GPRC5C: variants seen among roughly 807,000 people sequenced by gnomAD.
GPRC5C encodes G protein-coupled receptor class C group 5 member C, also known as G protein-coupled receptor family C group 5 member C.
GPRC5C carries 22 observed loss-of-function variants against 31.4 expected under a neutral mutation model. The observed-to-expected ratio is 0.70, with a 90% confidence interval of 0.50 to 1.00. The LOEUF is 1.00. Among genes scored for constraint, GPRC5C ranks in the 50% least tolerant of loss-of-function variants. The pLI is 0.00. For synonymous variants in GPRC5C, 249 were observed against 257.5 expected, an observed-to-expected ratio of 0.97 and a Z score of 0.32; for missense variants, 557 against 597.2, an observed-to-expected ratio of 0.93 and a Z score of 0.70.
At chr17:74,448,215 C>A (rs1212994487), downstream of GPRC5C, among the ~76,000 whole-genome samples, 1 of 152,084 alleles carries the variant, frequency 6.6e-6, no homozygotes, top group Admixed American at 6.5e-5. Flanking sequence ...GTGGGAGGAT[C>A]TCTTAAGCCC....
chr17:74,448,944 AG>A, downstream of GPRC5C: 1 of 1,258,754 alleles, frequency 7.9e-7, no homozygotes, highest in Non-Finnish European at 1.0e-6. Flanking sequence ...TGGCACTTCC[AG>A]CCATGTGGTT....
At position 74,439,896 on chromosome 17, in the gene GPRC5C, C is replaced by T. The variant is rs147600514; in HGVS notation, c.120C>T (p.Tyr40=). ...GCSQGLNPLY[Y]NLCDRSGAWG... The stretch of plus-strand genomic sequence containing the variant: ...GCCAAGGCCTCAACCCCCTGTACTA[C>T]AACCTGTGTGACCGCTCTGGGGCGT... The change falls in exon 2 of 4, where the codon TAC becomes TAT. Residue 40 remains tyrosine (Y), a synonymous_variant. Coordinates refer to ENST00000392627, the MANE Select transcript of GPRC5C (RefSeq NM_022036.4). The T allele has an allele frequency of 6.9e-5, 111 of 1,613,002 alleles. No individual in the cohort carries two copies. The highest frequency in any genetic ancestry group is 7.1e-5 in the Non-Finnish European group (84 of 1,180,038).
downstream of GPRC5C, chr17:74,449,368 A>G: frequency 7.7e-7 from 1 of 1,300,200 alleles, no homozygotes. Context: ...GAGATGGTAG[A>G]AGCCCTCTTC....
Position 74,440,617 on chromosome 17 carries a change from G to T in GPRC5C, c.841G>T (p.Ala281Ser). The T allele has an allele frequency of 6.2e-7, 1 of 1,609,280 alleles. No homozygotes were observed. Among genetic ancestry groups the T allele is most frequent in the African/African-American group, 1.3e-5 (1 of 74,958 alleles). The change falls in exon 2 of 4, where the codon GCC becomes TCC. Residue 281 changes from alanine (A) to serine (S), a missense_variant. By Grantham distance (99) the Ala-to-Ser change is moderately conservative. Transcript: ENST00000392627. The surrounding 1 kb of genome is among the most constrained non-coding windows in gnomAD (Gnocchi z 4.4). Reference protein sequence around the residue: ...NSPTWDDPTLAIALAANAWAF... With the variant: ...NSPTWDDPTLSIALAANAWAF... ...TCCCACCTGGGATGACCCCACGCTG[G>T]CCATCGCCCTCGCCGCCAATGCCTG...
intron 1 of GPRC5C, among the ~76,000 whole-genome samples, chr17:74,439,448 G>A (rs1029295163): frequency 6.6e-6 from 1 of 152,208 alleles, no homozygotes; most frequent in African/African-American, 2.4e-5. Flanking sequence ...AGAGCTCAGG[G>A]AATATCTGAA....
chr17:74,437,727 G>A (rs1598427852), intron 1 of GPRC5C, among the ~76,000 whole-genome samples: 1 of 149,352 alleles, frequency 6.7e-6, no homozygotes, highest in African/African-American at 2.5e-5. Flanking sequence ...TAAGTAGCCA[G>A]GAATGGTAGA....
chr17:74,433,837 G>C (rs1292786093), intron 1 of GPRC5C: 5 of 1,009,418 alleles, frequency 5.0e-6, no homozygotes, highest in Non-Finnish European at 8.0e-6. Flanking sequence ...GGTGGGTGGA[G>C]GGGGTCTCAG....
rs753981694 is a variant in GPRC5C at position 74,439,846 on chromosome 17, C to A, written c.70C>A (p.Gln24Lys). ...CTTCCTGTTCCCAGGGGCCTGGGCC[C>A]AGGGCCATGTCCCACCCGGCTGCAG... ...PLFLFPGAWA[Q>K]GHVPPGCSQG... Residue 24 changes from glutamine (Q) to lysine (K), a missense_variant, in exon 2 of 4, where the codon CAG becomes AAG. Transcript: ENST00000392627. 1.2e-6 allele frequency: 2 copies of A among 1,613,624 alleles called. No homozygotes were observed.
Position 74,440,478 on chromosome 17 carries a change from C to T in GPRC5C, c.702C>T (p.Arg234=). ...FLGAWPALCG[R]YKRWRKHGVF... is the part of the protein sequence containing the mutation. ...GGGCCTGGCCCGCCCTGTGTGGCCG[C>T]TACAAGCGCTGGCGTAAGCATGGGG... Residue 234 remains arginine, a synonymous_variant, in exon 2 of 4, where the codon CGC becomes CGT. Transcript: ENST00000392627. This position sits in a 1 kb window ranked among gnomAD's most constrained non-coding sequence, Gnocchi z 4.4. 1.2e-6 allele frequency: 2 copies of T among 1,614,170 alleles called. No homozygotes were observed. Among genetic ancestry groups the T allele is most frequent in the Non-Finnish European group, 1.7e-6 (2 of 1,180,048 alleles).
chr17:74,449,462 A>G (rs975889393), downstream of GPRC5C: 2 of 790,448 alleles, frequency 2.5e-6, no homozygotes, highest in African/African-American at 1.8e-5. Context: ...TTGTCATTGG[A>G]GCTGGGAGGG....
Position 74,440,100 on chromosome 17 carries a change from G to A in GPRC5C, c.324G>A (p.Val108=). The change falls in exon 2 of 4, where the codon GTG becomes GTA. Residue 108 remains valine (V), a synonymous_variant. Coordinates refer to ENST00000392627, the MANE Select transcript of GPRC5C (RefSeq NM_022036.4). The surrounding 1 kb of genome is among the most constrained non-coding windows in gnomAD (Gnocchi z 4.4). ...LGLFCLVFAC[V]VKPDFSTCAS... ...TCTTCTGCCTCGTGTTTGCCTGTGT[G>A]GTGAAGCCCGACTTCTCCACCTGTG... The A allele has an allele frequency of 6.2e-7, 1 of 1,613,982 alleles. No individual in the cohort carries two copies. The highest frequency in any genetic ancestry group is 8.5e-7 in the Non-Finnish European group (1 of 1,180,038).
At chr17:74,434,675 C>T (rs2055405613) in intron 1 of GPRC5C, among the ~76,000 whole-genome samples, 1 of 152,358 alleles carries the variant, frequency 6.6e-6, no homozygotes, top group South Asian at 2.1e-4. Context: ...GTAATCCCAG[C>T]ACTTTGAGAG....
downstream of GPRC5C, chr17:74,447,543 T>A: frequency 5.6e-6 from 1 of 179,868 alleles, no homozygotes; most frequent in Non-Finnish European, 1.1e-5. Context: ...AGCTCACATT[T>A]AAAGCTGCTG....
rs532474567 is a variant in GPRC5C at position 74,446,794 on chromosome 17, C to T, written c.1147-55C>T. On this transcript the variant is annotated intron_variant, in intron 3 of 3. Coordinates refer to ENST00000392627, the MANE Select transcript of GPRC5C (RefSeq NM_022036.4). Reference sequence around the variant, plus strand: ...GCAGGAAGTGTTTGTGCATCCGCCCCGGCGGAACCTGGCTCCCAATCCCCG... The same window carrying T: ...GCAGGAAGTGTTTGTGCATCCGCCCTGGCGGAACCTGGCTCCCAATCCCCG... 1.9e-4 allele frequency: 267 copies of T among 1,397,784 alleles called. 1 individual carries two copies. Among genetic ancestry groups the T allele is most frequent in the Non-Finnish European group, 1.8e-4 (176 of 992,458 alleles). 86.6% of individuals were successfully genotyped at this position (1,397,784 alleles called of 1,614,324 possible).
Position 74,439,803 on chromosome 17 carries a change from G to C in GPRC5C, c.27G>C (p.Met9Ile), listed in dbSNP as rs548628634. The stretch of plus-strand genomic sequence containing the variant: ...TGGCCATCCACAAAGCCTTGGTGAT[G>C]TGCCTGGGACTGCCTCTCTTCCTGT... MAIHKALV[M>I]CLGLPLFLFP... The change falls in exon 2 of 4, where the codon ATG becomes ATC. Residue 9 changes from methionine to isoleucine, a missense_variant. Coordinates refer to ENST00000392627, the MANE Select transcript of GPRC5C (RefSeq NM_022036.4). 6.2e-7 allele frequency: 1 copy of C among 1,613,392 alleles called. No homozygotes were observed.
Position 74,440,510 on chromosome 17 carries a change from T to C in GPRC5C, c.734T>C (p.Val245Ala). The C allele has an allele frequency of 1.2e-6, 2 of 1,614,160 alleles. No individual in the cohort carries two copies. The highest frequency in any genetic ancestry group is 2.2e-5 in the South Asian group (2 of 91,086). Reference sequence around the variant, plus strand: ...CGCTGGCGTAAGCATGGGGTCTTTGTGCTCCTCACCACAGCCACCTCCGTT... The same window carrying C: ...CGCTGGCGTAAGCATGGGGTCTTTGCGCTCCTCACCACAGCCACCTCCGTT... ...YKRWRKHGVF[V>A]LLTTATSVAI... Residue 245 changes from valine (V) to alanine (A), a missense_variant, in exon 2 of 4, where the codon GTG becomes GCG. Physicochemically the swap from Val to Ala is moderately conservative, Grantham distance 64. Transcript: ENST00000392627. This position sits in a 1 kb window ranked among gnomAD's most constrained non-coding sequence, Gnocchi z 4.4.
chr17:74,445,130 G>C (rs2055606095), intron 3 of GPRC5C: 1 of 152,206 alleles, frequency 6.6e-6, no homozygotes, highest in Non-Finnish European at 1.5e-5. Context: ...CATGCCTGTA[G>C]TCCCAGCTAC....
At chr17:74,438,640 CTGTT>C (rs1330005753) in intron 1 of GPRC5C, among the ~76,000 whole-genome samples, 3 of 152,140 alleles carry the variant, frequency 2.0e-5, no homozygotes, top group African/African-American at 7.2e-5. Context: ...CTCTAGCAAT[CTGTT>C]CACCTTGACC....
At chr17:74,447,468 G>C, downstream of GPRC5C, 3 of 520,530 alleles carry the variant, frequency 5.8e-6, no homozygotes, top group Non-Finnish European at 7.4e-6. Context: ...CTGGCCTCCT[G>C]GTTTCTGATG....
Sources: gnomAD v4.1 joint callset for allele counts (sites outside exome capture counted in the v4.1 genomes callset) on GRCh38, gnomAD v4.1.1 for gene constraint, Gnocchi (gnomAD v3.1) non-coding constraint, MANE v1.5 for transcripts, NCBI Gene and HGNC (gene_info 2026-07-23, HGNC 2026-07-21) for gene names.